Variants in EXO1 observed in about 807,000 individuals in gnomAD.
The protein encoded by EXO1 is exonuclease 1.
EXO1 carries 69 observed loss-of-function variants against 84.5 expected under a neutral mutation model. The ratio of observed to expected loss-of-function variants is 0.82; its 90% confidence interval spans 0.67 to 1.00. The LOEUF (loss-of-function observed/expected upper bound fraction) is 1.00, where lower values mean the gene tolerates loss of function less well. Ranked by LOEUF, EXO1 falls within the 50% of genes least tolerant of loss-of-function variation. EXO1 has a pLI of 0.00. For synonymous variants in EXO1, 373 were observed against 366.1 expected (o/e 1.02, Z -0.21); for missense variants, 1,045 against 1,000.7 (o/e 1.04, Z -0.60).
intron 5 of EXO1, among the ~76,000 whole-genome samples, chr1:241,852,931 A>G (rs1001706705): frequency 2.0e-5 from 3 of 152,194 alleles, no homozygotes; most frequent in African/African-American, 7.2e-5. Flanking sequence ...TGCTGGAATT[A>G]CAGGCATGAG....
intron 14 of EXO1, among the ~76,000 whole-genome samples, chr1:241,884,406 T>C (rs1662926780): frequency 6.6e-6 from 1 of 152,210 alleles, no homozygotes; most frequent in Admixed American, 6.5e-5. Context: ...ATAACAAAAC[T>C]TCATTGTCTC....
chr1:241,883,277 C>T (rs1662873081), intron 14 of EXO1, among the ~76,000 whole-genome samples: 1 of 152,156 alleles, frequency 6.6e-6, no homozygotes, highest in Non-Finnish European at 1.5e-5. Flanking sequence ...GTTGCTATAA[C>T]AGAATACCAG....
chr1:241,850,316 G>A, intron 3 of EXO1, 93 bp from the exon 4 acceptor site: 1 of 868,364 alleles, frequency 1.2e-6, no homozygotes, highest in South Asian at 1.5e-5. Context: ...TTTCTGCATT[G>A]GACTCCAAGC....
intron 14 of EXO1, among the ~76,000 whole-genome samples, chr1:241,884,890 A>G (rs545770574): frequency 1.3e-5 from 2 of 152,314 alleles, no homozygotes; most frequent in South Asian, 4.1e-4. Context: ...ACCATTGCTC[A>G]TGGGTTATTT....
intron 10 of EXO1, among the ~76,000 whole-genome samples, chr1:241,862,597 G>T (rs78458651): frequency 6.6e-6 from 1 of 152,138 alleles, no homozygotes; most frequent in Non-Finnish European, 1.5e-5. Flanking sequence ...TGTATAACAT[G>T]CTTCTATTCT....
intron 5 of EXO1, among the ~76,000 whole-genome samples, 162 bp downstream of exon 5, chr1:241,852,573 A>C (rs1660733655): frequency 6.6e-6 from 1 of 152,194 alleles, no homozygotes; most frequent in Admixed American, 6.5e-5. Flanking sequence ...TGAGCCCAGG[A>C]GTTCAGCACC....
intron 10 of EXO1, 129 bp from the exon 11 acceptor site, chr1:241,866,701 G>C: frequency 1.4e-6 from 1 of 732,612 alleles, no homozygotes. Context: ...TTCAAGGACA[G>C]CTGTTTCATC....
chr1:241,868,241 T>C (rs964860699), intron 11 of EXO1, among the ~76,000 whole-genome samples: 2 of 152,046 alleles, frequency 1.3e-5, no homozygotes, highest in African/African-American at 4.8e-5. Flanking sequence ...CCAGGCATGG[T>C]GGCACACATT....
At chr1:241,852,539 G>A in intron 5 of EXO1, 128 bp downstream of exon 5, 2 of 803,750 alleles carry the variant, frequency 2.5e-6, no homozygotes, top group East Asian at 5.0e-5. Context: ...TAGGTACTCG[G>A]GAGGTTGAGG....
At chr1:241,876,485 G>A (rs1263277993) in intron 12 of EXO1, among the ~76,000 whole-genome samples, 2 of 151,946 alleles carry the variant, frequency 1.3e-5, no homozygotes, top group East Asian at 1.9e-4. Context: ...GGGGGGCCGA[G>A]GGAGGAGAAT....
At chr1:241,867,824 T>C (rs116646192) in intron 11 of EXO1, among the ~76,000 whole-genome samples, 2,068 of 152,290 alleles carry the variant, frequency 0.014, 50 homozygotes, top group African/African-American at 0.048. Context: ...TACTGTGGCT[T>C]TATAGAAAAT....
At chr1:241,850,281 A>AC (rs1660587346) in intron 3 of EXO1, 128 bp from the exon 4 acceptor site, 6 of 570,458 alleles carry the variant, frequency 1.1e-5, no homozygotes, top group Non-Finnish European at 1.7e-5. Context: ...CTCCGTCTCA[A>AC]AAAAAAAAAA....
At chr1:241,888,207 TCCAG>T (rs1663172660) in intron 15 of EXO1, among the ~76,000 whole-genome samples, 2 of 152,076 alleles carry the variant, frequency 1.3e-5, no homozygotes, top group African/African-American at 4.8e-5. Flanking sequence ...GGCACTGCAC[TCCAG>T]CCAGAGTGCA....
chr1:241,864,646 A>C (rs919621645), intron 10 of EXO1, among the ~76,000 whole-genome samples: 3 of 152,188 alleles, frequency 2.0e-5, no homozygotes, highest in Admixed American at 6.5e-5. Flanking sequence ...AGGTTTCTGT[A>C]GGTGGAATTG....
chr1:241,860,845 A>T (rs1661341696), intron 9 of EXO1, 141 bp downstream of exon 9: 1 of 726,546 alleles, frequency 1.4e-6, no homozygotes, highest in East Asian at 2.7e-5. Context: ...TATATTGTTC[A>T]TTTAAATTAC....
chr1:241,849,348 G>A (rs552227328), intron 3 of EXO1, 132 bp downstream of exon 3: 5 of 152,242 alleles, frequency 3.3e-5, no homozygotes, highest in African/African-American at 4.8e-5. Flanking sequence ...ATTGTAGAGT[G>A]GGGGGAGGTC....
intron 10 of EXO1, among the ~76,000 whole-genome samples, chr1:241,866,035 G>A (rs1021890703): frequency 6.6e-6 from 1 of 152,012 alleles, no homozygotes; most frequent in African/African-American, 2.4e-5. Flanking sequence ...TTTCCCTTTG[G>A]CTGTCCTTCT....
At chr1:241,874,365 C>T (rs932078280) in intron 12 of EXO1, among the ~76,000 whole-genome samples, 4 of 152,216 alleles carry the variant, frequency 2.6e-5, no homozygotes, top group Middle Eastern at 3.4e-3. Flanking sequence ...TGCAGTCCAG[C>T]CAGGGTGAGA....
chr1:241,884,705 A>G (rs930540625), intron 14 of EXO1, among the ~76,000 whole-genome samples: 2 of 152,022 alleles, frequency 1.3e-5, no homozygotes, highest in African/African-American at 2.4e-5. Context: ...GTGGATGCAT[A>G]GGAAGCTGGG....
Sources: allele counts gnomAD v4.1 joint callset (sites outside exome capture counted in the v4.1 genomes callset), GRCh38; gene constraint gnomAD v4.1.1; transcripts MANE v1.5; gene names NCBI Gene and HGNC (gene_info 2026-07-23, HGNC 2026-07-21).